Variants in BICD1 observed in about 807,000 individuals in gnomAD.
BICD1 encodes the protein BICD cargo adaptor 1.
A neutral mutation model predicts 92.5 loss-of-function variants in BICD1; 35 were observed. That is an observed-to-expected ratio of 0.38 (90% CI 0.29 to 0.50). The LOEUF (loss-of-function observed/expected upper bound fraction) is 0.50. Ranked by LOEUF, BICD1 falls within the 20% of genes least tolerant of loss-of-function variation. BICD1 has a pLI of 0.93. For synonymous variants in BICD1, 429 were observed against 465.1 expected, an observed-to-expected ratio of 0.92 and a Z score of 1.00; for missense variants, 950 against 1,189.8, an observed-to-expected ratio of 0.80 and a Z score of 2.97.
At chr12:32,188,658 G>A (rs1944484070) in intron 1 of BICD1, among the ~76,000 whole-genome samples, 1 of 152,012 alleles carries the variant, frequency 6.6e-6, no homozygotes, top group Non-Finnish European at 1.5e-5. Context: ...AGTGTTCTTT[G>A]TTCACTGGGC....
At chr12:32,186,357 TTTAA>T (rs1176112034) in intron 1 of BICD1, among the ~76,000 whole-genome samples, 4 of 152,320 alleles carry the variant, frequency 2.6e-5, no homozygotes, top group African/African-American at 9.6e-5. Context: ...TGAATTTTGC[TTTAA>T]TTAATTTAAA....
intron 2 of BICD1, among the ~76,000 whole-genome samples, chr12:32,217,521 A>C (rs1243263222): frequency 1.3e-5 from 2 of 152,252 alleles, no homozygotes; most frequent in Non-Finnish European, 2.9e-5. Flanking sequence ...CAGCAAGGTC[A>C]CTTATGAGAT....
intron 1 of BICD1, among the ~76,000 whole-genome samples, chr12:32,187,763 A>G (rs1437964443): frequency 6.6e-6 from 1 of 152,208 alleles, no homozygotes; most frequent in Admixed American, 6.5e-5. Context: ...AGAACTACCT[A>G]TTGGGTACTA....
At chr12:32,304,562 T>A (rs1441252677) in intron 3 of BICD1, among the ~76,000 whole-genome samples, 2 of 152,198 alleles carry the variant, frequency 1.3e-5, no homozygotes, top group Admixed American at 6.5e-5. Flanking sequence ...CTTGTGGAGA[T>A]AAAATGTTTC....
At chr12:32,264,020 A>G (rs1946928396) in intron 2 of BICD1, among the ~76,000 whole-genome samples, 1 of 152,256 alleles carries the variant, frequency 6.6e-6, no homozygotes, top group African/African-American at 2.4e-5. Flanking sequence ...CAGCTGTTTT[A>G]GAGTCAGATT....
At chr12:32,182,929 C>T (rs1343102900) in intron 1 of BICD1, among the ~76,000 whole-genome samples, 1 of 104,836 alleles carries the variant, frequency 9.5e-6, no homozygotes, top group Non-Finnish European at 1.8e-5. Context: ...GTGTCTTGCT[C>T]TGTTGACAAG....
At position 32,125,908 on chromosome 12, in the gene BICD1, A is replaced by G. The variant is rs993828202; in HGVS notation, c.213+18364A>G. On this transcript the variant is annotated intron_variant, in intron 1 of 9. Transcript: ENST00000652176. The stretch of plus-strand genomic sequence containing the variant: ...AAAAAAAAATGCCAAAATTAGGCAG[A>G]CATGGTGGCACACACTTGTAGTCCC... Among the ~76,000 whole-genome samples, 13 of 151,758 alleles carry G rather than the reference A, an allele frequency of 8.6e-5. No homozygotes were observed. The East Asian group carries it at 2.5e-3, about 29-fold the overall frequency.
intron 2 of BICD1, among the ~76,000 whole-genome samples, chr12:32,257,646 T>C (rs1946756598): frequency 6.6e-6 from 1 of 152,178 alleles, no homozygotes. Context: ...GTATGAACCC[T>C]AGAAAGGCTT....
intron 2 of BICD1, among the ~76,000 whole-genome samples, chr12:32,275,449 T>G (rs916288444): frequency 6.6e-6 from 1 of 152,222 alleles, no homozygotes; most frequent in Non-Finnish European, 1.5e-5. Context: ...CAGTATCTCC[T>G]CATCCTAACT....
At chr12:32,211,704 GA>G (rs11326117) in intron 1 of BICD1, among the ~76,000 whole-genome samples, 66,838 of 139,400 alleles carry the variant, frequency 0.48, 15,579 homozygotes, top group African/African-American at 0.58. Context: ...AAACAGTTGT[GA>G]AAAAAAAAAA....
intron 2 of BICD1, among the ~76,000 whole-genome samples, chr12:32,285,873 T>C (rs1947550441): frequency 6.6e-6 from 1 of 152,218 alleles, no homozygotes; most frequent in Non-Finnish European, 1.5e-5. Context: ...AAATGTATGA[T>C]GAATGGTGCA....
At chr12:32,122,074 C>T (rs555369291) in intron 1 of BICD1, among the ~76,000 whole-genome samples, 2 of 152,258 alleles carry the variant, frequency 1.3e-5, no homozygotes, top group Admixed American at 6.5e-5. Context: ...CCTCAGCCTC[C>T]AAAGGTGCTG....
intron 2 of BICD1, among the ~76,000 whole-genome samples, chr12:32,279,870 C>T (rs1357531567): frequency 1.3e-5 from 2 of 152,172 alleles, no homozygotes; most frequent in Non-Finnish European, 2.9e-5. Flanking sequence ...GAGGCTGAGG[C>T]GGGTGGATCA....
chr12:32,246,704 C>T (rs1245825392), intron 2 of BICD1, among the ~76,000 whole-genome samples: 1 of 152,054 alleles, frequency 6.6e-6, no homozygotes, highest in Non-Finnish European at 1.5e-5. Context: ...TTTTACTTTC[C>T]TTGCCCCACT....
At chr12:32,266,841 G>A (rs1364997449) in intron 2 of BICD1, among the ~76,000 whole-genome samples, 1 of 140,724 alleles carries the variant, frequency 7.1e-6, no homozygotes, top group Non-Finnish European at 1.5e-5. Context: ...CTGGGCAATA[G>A]AATGAGACTC....
intron 1 of BICD1, among the ~76,000 whole-genome samples, chr12:32,134,745 T>A (rs1019251966): frequency 1.3e-5 from 2 of 152,204 alleles, no homozygotes; most frequent in Non-Finnish European, 2.9e-5. Context: ...TTGCGATGAC[T>A]GTGTGGTTGT....
chr12:32,217,970 G>T (rs1945408344), intron 2 of BICD1, among the ~76,000 whole-genome samples: 1 of 152,222 alleles, frequency 6.6e-6, no homozygotes, highest in Non-Finnish European at 1.5e-5. Context: ...CATGCAGGTG[G>T]TTTATGGAGA....
intron 2 of BICD1, among the ~76,000 whole-genome samples, chr12:32,243,430 G>T (rs999175835): frequency 6.6e-6 from 1 of 151,562 alleles, no homozygotes; most frequent in Non-Finnish European, 1.5e-5. Context: ...ATTTCTTAGG[G>T]ATAGCATTCC....
At chr12:32,224,368 G>A (rs531204794) in intron 2 of BICD1, among the ~76,000 whole-genome samples, 1 of 152,308 alleles carries the variant, frequency 6.6e-6, no homozygotes, top group African/African-American at 2.4e-5. Flanking sequence ...CTCACCATAT[G>A]CCAGGTATGA....
Sources: gnomAD v4.1 joint callset for allele counts (sites outside exome capture counted in the v4.1 genomes callset) on GRCh38, gnomAD v4.1.1 for gene constraint, MANE v1.5 for transcripts, NCBI Gene and HGNC (gene_info 2026-07-23, HGNC 2026-07-21) for gene names.